HFM1: variants seen among roughly 807,000 people sequenced by gnomAD.
HFM1 encodes the protein helicase for meiosis 1.
Under a neutral mutation model 192.1 loss-of-function variants are expected in HFM1, and 169 were observed. The ratio of observed to expected loss-of-function variants is 0.88; its 90% CI spans 0.78 to 1.00. The LOEUF (loss-of-function observed/expected upper bound fraction) is 1.00. Among genes scored for constraint, HFM1 ranks in the 50% least tolerant of loss-of-function variants. The pLI is 0.00. For missense variants in HFM1, 1,661 were observed against 1,668.0 expected, an observed-to-expected ratio of 1.00 and a Z score of 0.07; for synonymous variants, 525 against 537.8, an observed-to-expected ratio of 0.98 and a Z score of 0.33.
intron 30 of HFM1, among the ~76,000 whole-genome samples, chr1:91,277,506 GGTGTGTGT>G (rs67268923): frequency 4.5e-5 from 6 of 134,096 alleles, no homozygotes; most frequent in Non-Finnish European, 7.7e-5. Context: ...CTCCCTGGTG[GGTGTGTGT>G]GTGTGTGTGT....
chr1:91,286,589 G>A (rs1232618311), intron 30 of HFM1, among the ~76,000 whole-genome samples: 4 of 152,022 alleles, frequency 2.6e-5, no homozygotes, highest in Non-Finnish European at 5.9e-5. Flanking sequence ...ATTGGATTAG[G>A]GTCCACCTTA....
intron 30 of HFM1, among the ~76,000 whole-genome samples, chr1:91,277,834 A>T (rs1667049826): frequency 8.1e-6 from 1 of 123,326 alleles, no homozygotes; most frequent in Non-Finnish European, 1.6e-5. Flanking sequence ...CTTTATATAT[A>T]ATATATACTA....
intron 4 of HFM1, among the ~76,000 whole-genome samples, chr1:91,392,146 G>A (rs2102125740): frequency 6.6e-6 from 1 of 152,186 alleles, no homozygotes; most frequent in South Asian, 2.1e-4. Context: ...TACACTGTTG[G>A]TGGGACTGTA....
rs1311416648 is a variant in HFM1 at position 91,385,253 on chromosome 1, A to G, written c.755-19T>C. 1.0e-5 allele frequency: 14 copies of G among 1,406,994 alleles called. No individual in the cohort carries two copies. The highest frequency in any genetic ancestry group is 2.9e-5 in the African/African-American group (2 of 69,524). The allele number at this position is 1,406,994 out of a possible 1,614,324, so 87.2% of individuals were successfully genotyped here. A position where few individuals can be genotyped will look rare whatever the true frequency, so the allele number is the denominator to read the frequency against. ...GTTACCTCTGAAAAAAAAATGCTAC[A>G]TATTTATATAAATATCAAAAAAAAA... On this transcript the variant is annotated intron_variant, in intron 5 of 38. Coordinates refer to ENST00000370425, the MANE Select transcript of HFM1 (RefSeq NM_001017975.6).
At chr1:91,267,156 A>C (rs1665845989) in intron 35 of HFM1, among the ~76,000 whole-genome samples, 1 of 152,142 alleles carries the variant, frequency 6.6e-6, no homozygotes, top group South Asian at 2.1e-4. Flanking sequence ...AGTGAAATAG[A>C]GTAAATTTGC....
chr1:91,282,917 C>G (rs1446833536), intron 30 of HFM1, among the ~76,000 whole-genome samples: 1 of 152,130 alleles, frequency 6.6e-6, no homozygotes, highest in Non-Finnish European at 1.5e-5. Flanking sequence ...ACATTTGCTC[C>G]CAGTGGCAGC....
In HFM1 at chr1:91,316,103, G is replaced by T; in HGVS notation, c.2980C>A (p.Gln994Lys). 1.3e-6 allele frequency: 2 copies of T among 1,565,458 alleles called. No individual in the cohort carries two copies. Among genetic ancestry groups the T allele is most frequent in the South Asian group, 1.1e-5 (1 of 87,870 alleles). Residue 994 changes from glutamine (Q) to lysine (K), a missense_variant and splice_region_variant, in exon 27 of 39, where the codon CAG becomes AAG. Physicochemically the swap from Gln to Lys is moderately conservative, Grantham distance 53 (BLOSUM62 1). Transcript: ENST00000370425. ...TCTAAGAAACAGAAAATATTTACCTGTTCCACTTTAAGTTCATATTTTGGT... is the reference window on the plus strand; with the variant it reads ...TCTAAGAAACAGAAAATATTTACCTTTTCCACTTTAAGTTCATATTTTGGT... ...YLPKYELKVEQITRYSDTTAE... is the reference protein window; with the variant it reads ...YLPKYELKVEKITRYSDTTAE...
chr1:91,300,078 A>G (rs1099424), intron 30 of HFM1, among the ~76,000 whole-genome samples: 148,773 of 149,210 alleles, frequency 1, 74,168 homozygotes, highest in Non-Finnish European at 1. Context: ...TCAAATAGAC[A>G]CAATAAAAAA....
At chr1:91,296,527 T>G (rs1361565818) in intron 30 of HFM1, among the ~76,000 whole-genome samples, 5 of 152,108 alleles carry the variant, frequency 3.3e-5, no homozygotes, top group Non-Finnish European at 7.4e-5. Context: ...AATTTTATAA[T>G]TAGCTGGTTA....
In HFM1 at chr1:91,300,517, C is replaced by T. The variant is rs181753651; in HGVS notation, c.3391+12832G>A. 4.4e-3 allele frequency among the ~76,000 whole-genome samples: 665 copies of T among 151,874 alleles called. 5 individuals carry two copies. Among genetic ancestry groups the T allele is most frequent in the Admixed American group, 9.1e-3 (139 of 15,226 alleles). On this transcript the variant is annotated intron_variant, in intron 30 of 38. Transcript: ENST00000370425. ...TTTAGACCAATATCCCTGATGAACA[C>T]CAATGCAAAAATCCTCAATAAAATA...
intron 28 of HFM1, among the ~76,000 whole-genome samples, chr1:91,314,283 T>G (rs1650889740): frequency 6.6e-6 from 1 of 152,202 alleles, no homozygotes; most frequent in Non-Finnish European, 1.5e-5. Context: ...AGACAGAATC[T>G]TACTCTGTTG....
At chr1:91,351,379 AATT>A (rs1458266635) in intron 17 of HFM1, among the ~76,000 whole-genome samples, 167 bp downstream of exon 17, 1 of 152,034 alleles carries the variant, frequency 6.6e-6, no homozygotes, top group Non-Finnish European at 1.5e-5. Context: ...CTTTTAAAAA[AATT>A]ATTAAATTCC....
chr1:91,366,579 T>C (rs1412523091), intron 13 of HFM1, among the ~76,000 whole-genome samples: 2 of 152,246 alleles, frequency 1.3e-5, no homozygotes, highest in Non-Finnish European at 2.9e-5. Flanking sequence ...TATAATGAAC[T>C]GGTCAATGTT....
chr1:91,378,355 T>C, intron 10 of HFM1, 48 bp downstream of exon 10: 1 of 1,432,984 alleles, frequency 7.0e-7, no homozygotes, highest in South Asian at 1.2e-5. Context: ...TCTGTCTTAT[T>C]CTAATTATCC....
intron 30 of HFM1, among the ~76,000 whole-genome samples, chr1:91,285,663 T>C (rs952346023): frequency 1.3e-5 from 2 of 152,234 alleles, no homozygotes; most frequent in African/African-American, 4.8e-5. Flanking sequence ...TTCCTAAGAT[T>C]TGGATGATTA....
intron 30 of HFM1, among the ~76,000 whole-genome samples, chr1:91,287,312 CTG>C (rs1557782164): frequency 2.0e-5 from 3 of 152,200 alleles, no homozygotes; most frequent in African/African-American, 7.2e-5. Flanking sequence ...AGCTGGAGAT[CTG>C]AGAAGGGGCA....
Position 91,261,156 on chromosome 1 carries a change from A to T in HFM1, c.*134T>A, listed in dbSNP as rs1665121354. On this transcript the variant is annotated 3_prime_UTR_variant, in exon 39 of 39. Transcript: ENST00000370425. Reference sequence around the variant, plus strand: ...TCGGCCCATACATTTTGTTGCAAAAAGTGAACAAAGCTAATCAAATACAGG... The same window carrying T: ...TCGGCCCATACATTTTGTTGCAAAATGTGAACAAAGCTAATCAAATACAGG... 2.4e-6 allele frequency: 1 copy of T among 410,650 alleles called. No individual in the cohort carries two copies. The highest frequency in any genetic ancestry group is 4.4e-6 in the Non-Finnish European group (1 of 225,424). The allele number at this position is 410,650 out of a possible 1,614,324, so 25.4% of individuals were successfully genotyped here. A position where few individuals can be genotyped will look rare whatever the true frequency, so the allele number is the denominator to read the frequency against.
chr1:91,373,607 G>C (rs190156852), intron 13 of HFM1, among the ~76,000 whole-genome samples: 7 of 151,808 alleles, frequency 4.6e-5, no homozygotes, highest in Admixed American at 2.0e-4. Flanking sequence ...ACAATAGTGA[G>C]TGAGTTTTTG....
intron 27 of HFM1, 51 bp downstream of exon 27, chr1:91,316,050 G>T: frequency 6.9e-7 from 1 of 1,459,446 alleles, no homozygotes. Context: ...TTTATAGGTA[G>T]CTTTATTTCT....
Sources: allele counts gnomAD v4.1 joint callset (sites outside exome capture counted in the v4.1 genomes callset), GRCh38; gene constraint gnomAD v4.1.1; transcripts MANE v1.5; gene names NCBI Gene and HGNC (gene_info 2026-07-23, HGNC 2026-07-21).